The following RAB11FIP2 variants were observed in gnomAD, a reference collection of about 807,000 sequenced individuals.
RAB11FIP2 encodes RAB11 family interacting protein 2, also known as rab11 family-interacting protein 2.
In RAB11FIP2, 16 loss-of-function variants were observed where a neutral mutation model predicts 40.9. The ratio of observed to expected loss-of-function variants is 0.39; its 90% CI spans 0.26 to 0.59. The LOEUF is 0.59. RAB11FIP2 is among the 20% of genes least tolerant of loss of function. The pLI is 0.53. For synonymous variants in RAB11FIP2, 228 were observed against 213.7 expected, an observed-to-expected ratio of 1.07 and a Z score of -0.58; for missense variants, 532 against 606.2, an observed-to-expected ratio of 0.88 and a Z score of 1.28.
intron 3 of RAB11FIP2, among the ~76,000 whole-genome samples, chr10:118,016,403 T>C (rs1846220757): frequency 6.6e-6 from 1 of 152,178 alleles, no homozygotes; most frequent in Non-Finnish European, 1.5e-5. Flanking sequence ...CAAGTCACTA[T>C]ACCAGCAAAG....
intron 3 of RAB11FIP2, among the ~76,000 whole-genome samples, chr10:118,036,157 C>T (rs1197771051): frequency 6.6e-6 from 1 of 151,978 alleles, no homozygotes; most frequent in Non-Finnish European, 1.5e-5. Flanking sequence ...CATTATTCAA[C>T]CAGAGGGTAA....
At chr10:118,009,302 CT>C in intron 4 of RAB11FIP2, 77 bp from the exon 5 acceptor site, 1 of 1,368,372 alleles carries the variant, frequency 7.3e-7, no homozygotes, top group African/African-American at 1.5e-5. Flanking sequence ...GGAACTTCGA[CT>C]TTTTGTTTTT....
chr10:118,018,348 C>T (rs973345875), intron 3 of RAB11FIP2: 2 of 152,238 alleles, frequency 1.3e-5, no homozygotes, highest in Admixed American at 6.5e-5. Context: ...CTGCCGTCCT[C>T]ATGTCAGACA....
rs1321236655 is a variant in RAB11FIP2 at position 118,045,795 on chromosome 10, A to C, written c.353+16T>G. 6.5e-7 allele frequency: 1 copy of C among 1,542,912 alleles called. No homozygotes were observed. The highest frequency in any genetic ancestry group is 8.8e-7 in the Non-Finnish European group (1 of 1,138,650). On this transcript the variant is annotated intron_variant, in intron 1 of 4. Transcript: ENST00000355624. ...ATATAAACTCCCCCAAATTCAAAATAAATTACATAACTTACTCTGTTTTCC... is the reference window on the plus strand; with the variant it reads ...ATATAAACTCCCCCAAATTCAAAATCAATTACATAACTTACTCTGTTTTCC...
At chr10:118,028,592 T>A (rs1030276755) in intron 3 of RAB11FIP2, among the ~76,000 whole-genome samples, 5 of 152,058 alleles carry the variant, frequency 3.3e-5, no homozygotes, top group African/African-American at 1.2e-4. Flanking sequence ...AGCATTATTG[T>A]CATGGGAAAA....
intron 1 of RAB11FIP2, among the ~76,000 whole-genome samples, chr10:118,042,018 T>A (rs1846566081): frequency 6.6e-6 from 1 of 151,946 alleles, no homozygotes; most frequent in Admixed American, 6.6e-5. Flanking sequence ...TTAAATAACA[T>A]ACAATTGAGC....
Position 118,006,602 on chromosome 10 carries a change from A to C in RAB11FIP2, c.*2396T>G, listed in dbSNP as rs1324384691. On this transcript the variant is annotated 3_prime_UTR_variant, in exon 5 of 5. Coordinates refer to ENST00000355624, the MANE Select transcript of RAB11FIP2 (RefSeq NM_014904.3). Reference sequence around the variant, plus strand: ...AAACACAGGAAACACTGATATATTTACTTGGGAACTAATTTTTACTTTTTG... The same window carrying C: ...AAACACAGGAAACACTGATATATTTCCTTGGGAACTAATTTTTACTTTTTG... The C allele has an allele frequency of 2.0e-5, 3 of 152,104 alleles. No homozygotes were observed. In the East Asian group the frequency reaches 5.8e-4, roughly 29 times the overall value. 9.4% of individuals were successfully genotyped at this position (152,104 alleles called of 1,614,324 possible).
intron 3 of RAB11FIP2, among the ~76,000 whole-genome samples, chr10:118,029,964 T>C (rs1233510492): frequency 1.3e-5 from 2 of 152,128 alleles, no homozygotes; most frequent in Non-Finnish European, 2.9e-5. Context: ...ACCAAACTGG[T>C]GCCAGGGCCA....
At chr10:118,036,976 C>A (rs1388728984) in intron 3 of RAB11FIP2, among the ~76,000 whole-genome samples, 1 of 151,992 alleles carries the variant, frequency 6.6e-6, no homozygotes, top group Non-Finnish European at 1.5e-5. Flanking sequence ...TCCATATGCA[C>A]CCATAATGTA....
At chr10:118,016,432 G>A (rs1846220966) in intron 3 of RAB11FIP2, among the ~76,000 whole-genome samples, 1 of 152,142 alleles carries the variant, frequency 6.6e-6, no homozygotes, top group Admixed American at 6.5e-5. Context: ...GCCCACAAAG[G>A]AGTGGCTTAA....
chr10:118,012,795 TAC>T (rs1318775350), intron 4 of RAB11FIP2, among the ~76,000 whole-genome samples: 6 of 152,054 alleles, frequency 3.9e-5, no homozygotes, highest in Non-Finnish European at 7.4e-5. Flanking sequence ...CAGTACTCCA[TAC>T]AGACAGCACT....
At chr10:118,040,735 T>TA (rs141454052) in intron 1 of RAB11FIP2, among the ~76,000 whole-genome samples, 170 bp from the exon 2 acceptor site, 2,540 of 152,216 alleles carry the variant, frequency 0.017, 76 homozygotes, top group East Asian at 0.13. Flanking sequence ...TTATTTAGTT[T>TA]AAAAAACTGA....
chr10:118,033,828 T>C (rs933398092), intron 3 of RAB11FIP2, among the ~76,000 whole-genome samples: 2 of 152,116 alleles, frequency 1.3e-5, no homozygotes, highest in Non-Finnish European at 2.9e-5. Flanking sequence ...CCCTCCTCAG[T>C]AGGATAAATA....
chr10:118,045,492 A>G, intron 1 of RAB11FIP2: 1 of 217,032 alleles, frequency 4.6e-6, no homozygotes, highest in Non-Finnish European at 9.1e-6. Context: ...AACAATTTAT[A>G]TGAAGTTCTA....
chr10:118,043,483 T>C (rs1391000196), intron 1 of RAB11FIP2: 4 of 152,214 alleles, frequency 2.6e-5, no homozygotes, highest in Non-Finnish European at 5.9e-5. Context: ...ACAGAAGTTC[T>C]CTTCCCAGGC....
At chr10:118,035,260 T>C (rs765393737) in intron 3 of RAB11FIP2, among the ~76,000 whole-genome samples, 1 of 152,198 alleles carries the variant, frequency 6.6e-6, no homozygotes, top group Non-Finnish European at 1.5e-5. Context: ...AAACTTTTGC[T>C]GTGATAAGCC....
Position 118,046,063 on chromosome 10 carries a change from T to C in RAB11FIP2, c.101A>G (p.Asn34Ser), listed in dbSNP as rs1378291067. Residue 34 changes from asparagine (N) to serine (S), a missense_variant, in exon 1 of 5, where the codon AAT (asparagine) becomes AGT (serine). By Grantham distance (46) the Asn-to-Ser change is conservative (BLOSUM62 1). Transcript: ENST00000355624. ...DLKPKGKSGT[N>S]DTYTIIQLGK... The stretch of plus-strand genomic sequence containing the variant: ...CAGCTGAATTATAGTGTATGTGTCA[T>C]TGGTACCACTTTTGCCTTTTGGCTT... 1.9e-6 allele frequency: 3 copies of C among 1,614,198 alleles called. No individual in the cohort carries two copies. The highest frequency in any genetic ancestry group is 2.2e-5 in the East Asian group (1 of 44,880).
chr10:118,045,081 T>C (rs1846609765), intron 1 of RAB11FIP2, among the ~76,000 whole-genome samples: 2 of 152,200 alleles, frequency 1.3e-5, no homozygotes, highest in Non-Finnish European at 2.9e-5. Flanking sequence ...GAAGATGTTA[T>C]CAAATCATTT....
At chr10:118,033,752 A>G (rs998673494) in intron 3 of RAB11FIP2, among the ~76,000 whole-genome samples, 2 of 152,208 alleles carry the variant, frequency 1.3e-5, no homozygotes, top group African/African-American at 4.8e-5. Flanking sequence ...GTTGCAAACC[A>G]GTAGTTCTTA....
Sources: allele counts gnomAD v4.1 joint callset (sites outside exome capture counted in the v4.1 genomes callset), GRCh38; gene constraint gnomAD v4.1.1; transcripts MANE v1.5; gene names NCBI Gene and HGNC (gene_info 2026-07-23, HGNC 2026-07-21).